The following LRRIQ3 variants were observed in gnomAD, a reference collection of about 807,000 sequenced individuals.
LRRIQ3 encodes the protein leucine rich repeats and IQ motif containing 3, also known as leucine-rich repeat and IQ domain-containing protein 3.
LRRIQ3 carries 75 observed loss-of-function variants against 59.3 expected under a neutral mutation model. That is an observed-to-expected ratio of 1.26 (90% CI 1.05 to 1.53). LRRIQ3 has a LOEUF of 1.53. Ranked by LOEUF, LRRIQ3 falls within the 40% of genes most tolerant of loss-of-function variation. The pLI is 0.00. For synonymous variants in LRRIQ3, 250 were observed against 231.3 expected (o/e 1.08, Z -0.73); for missense variants, 831 against 710.0 (o/e 1.17, Z -1.94).
intron 3 of LRRIQ3, among the ~76,000 whole-genome samples, chr1:74,156,640 C>T (rs1648345644): frequency 6.6e-6 from 1 of 151,942 alleles, no homozygotes; most frequent in South Asian, 2.1e-4. Flanking sequence ...CTGTCAGCCC[C>T]CATAAATAAA....
chr1:74,065,622 G>A (rs1277766162), intron 6 of LRRIQ3, among the ~76,000 whole-genome samples: 3 of 152,054 alleles, frequency 2.0e-5, no homozygotes, highest in Non-Finnish European at 4.4e-5. Context: ...CGTTTAATCT[G>A]TGTTTGAATA....
At chr1:74,137,122 C>A (rs1172744166) in intron 4 of LRRIQ3, among the ~76,000 whole-genome samples, 1 of 151,772 alleles carries the variant, frequency 6.6e-6, no homozygotes, top group Non-Finnish European at 1.5e-5. Flanking sequence ...ACCTAACAGA[C>A]AATATATCTA....
chr1:74,158,312 T>C (rs1648462435), intron 3 of LRRIQ3, among the ~76,000 whole-genome samples: 1 of 152,208 alleles, frequency 6.6e-6, no homozygotes, highest in Non-Finnish European at 1.5e-5. Flanking sequence ...TAGATTAATA[T>C]ATTTATTGGC....
intron 5 of LRRIQ3, among the ~76,000 whole-genome samples, chr1:74,098,641 C>A (rs1646484984): frequency 1.3e-5 from 2 of 152,052 alleles, no homozygotes; most frequent in South Asian, 2.1e-4. Flanking sequence ...CAAAATTGAC[C>A]ATATAGTTGC....
At chr1:74,140,110 C>T (rs1647206299) in intron 4 of LRRIQ3, among the ~76,000 whole-genome samples, 1 of 151,358 alleles carries the variant, frequency 6.6e-6, no homozygotes, top group Non-Finnish European at 1.5e-5. Context: ...TGTAAATAGT[C>T]CAAATATGAT....
intron 5 of LRRIQ3, among the ~76,000 whole-genome samples, chr1:74,090,326 G>T (rs985671508): frequency 1.3e-5 from 2 of 149,988 alleles, no homozygotes; most frequent in Non-Finnish European, 3.0e-5. Context: ...CTACAAAATA[G>T]TTTTTTTTTT....
intron 7 of LRRIQ3, among the ~76,000 whole-genome samples, chr1:74,033,401 G>T (rs766373636): frequency 8.6e-5 from 13 of 151,978 alleles, no homozygotes; most frequent in Non-Finnish European, 1.6e-4. Flanking sequence ...TATAAAGGAG[G>T]TTATTTGATG....
rs563132101 is a variant in LRRIQ3, at chr1:74,162,549, CAT to C, written c.574-6685_574-6684del. ...ATTAAGGACTTTTATAATTATGACT[CAT>C]ATGGATGACAGTGTTTTGCATGTCA... is the stretch of plus-strand genomic sequence containing the variant. On this transcript the variant is annotated intron_variant, in intron 3 of 7. Coordinates refer to ENST00000354431, the MANE Select transcript of LRRIQ3 (RefSeq NM_001105659.2). Among the ~76,000 whole-genome samples, 7 of 151,810 alleles carry C rather than the reference CAT, an allele frequency of 4.6e-5. No individual in the cohort carries two copies. In the South Asian group the frequency reaches 1.2e-3, roughly 27 times the overall value.
intron 4 of LRRIQ3, among the ~76,000 whole-genome samples, chr1:74,141,984 C>T (rs12123062): frequency 0.54 from 60,297 of 111,770 alleles, 13,221 homozygotes; most frequent in East Asian, 0.78. Context: ...TCCATTTATA[C>T]ACACACACAC....
chr1:74,081,426 T>C (rs1646272210), intron 5 of LRRIQ3, among the ~76,000 whole-genome samples: 2 of 151,700 alleles, frequency 1.3e-5, no homozygotes, highest in African/African-American at 4.8e-5. Flanking sequence ...TGTAAATTAA[T>C]GATGCCTACT....
chr1:74,113,794 T>C (rs1397842383), intron 4 of LRRIQ3, among the ~76,000 whole-genome samples: 1 of 152,056 alleles, frequency 6.6e-6, no homozygotes, highest in Non-Finnish European at 1.5e-5. Context: ...AAGTTCTCTT[T>C]AGGCTGAAGT....
chr1:74,187,327 T>G (rs1221308751), intron 1 of LRRIQ3, among the ~76,000 whole-genome samples: 2 of 147,626 alleles, frequency 1.4e-5, no homozygotes, highest in African/African-American at 5.0e-5. Flanking sequence ...GAGAGATATA[T>G]AGATATATAT....
intron 4 of LRRIQ3, among the ~76,000 whole-genome samples, chr1:74,139,337 G>A (rs2100633013): frequency 6.6e-6 from 1 of 151,614 alleles, no homozygotes; most frequent in Admixed American, 6.6e-5. Flanking sequence ...AAGCTAGGAA[G>A]GGAAGTAGTG....
intron 3 of LRRIQ3, among the ~76,000 whole-genome samples, chr1:74,166,594 C>G (rs1318652918): frequency 6.6e-6 from 1 of 151,630 alleles, no homozygotes; most frequent in Non-Finnish European, 1.5e-5. Flanking sequence ...GTTAATTTTG[C>G]TCTTCTTTTT....
intron 6 of LRRIQ3, among the ~76,000 whole-genome samples, chr1:74,053,487 G>A (rs1011091619): frequency 1.3e-5 from 2 of 152,024 alleles, no homozygotes; most frequent in Non-Finnish European, 2.9e-5. Context: ...AGTTGATAAA[G>A]AACGTTATTA....
intron 5 of LRRIQ3, among the ~76,000 whole-genome samples, chr1:74,075,566 C>T (rs914204309): frequency 4.9e-5 from 7 of 143,644 alleles, no homozygotes; most frequent in African/African-American, 1.8e-4. Context: ...GACTCCGTCT[C>T]AGAAAAAAAA....
At chr1:74,124,336 C>A (rs1243490088) in intron 4 of LRRIQ3, among the ~76,000 whole-genome samples, 1 of 151,738 alleles carries the variant, frequency 6.6e-6, no homozygotes, top group African/African-American at 2.4e-5. Context: ...TTTATTGTTT[C>A]CTTTGCTGTG....
At position 74,183,674 on chromosome 1, in the gene LRRIQ3, C is replaced by A. The variant is rs892269582; in HGVS notation, c.11G>T (p.Gly4Val). 9.6e-6 allele frequency: 15 copies of A among 1,555,708 alleles called. No individual in the cohort carries two copies. Among genetic ancestry groups the A allele is most frequent in the Non-Finnish European group, 1.3e-5 (15 of 1,152,846 alleles). ...ACTGGTTAGCTCTTCTGTGACTGTT[C>A]CATGAAACATCTAGGAAAGATAAGA... MFHGTVTEELTSHE... is the reference protein window; with the variant it reads MFHVTVTEELTSHE... Residue 4 changes from glycine (G) to valine (V), a missense_variant, in exon 2 of 8, where the codon GGA becomes GTA. Gly to Val is a moderately radical substitution (Grantham distance 109). Coordinates refer to ENST00000354431, the MANE Select transcript of LRRIQ3 (RefSeq NM_001105659.2).
intron 4 of LRRIQ3, among the ~76,000 whole-genome samples, chr1:74,111,043 A>G: frequency 6.6e-6 from 1 of 152,192 alleles, no homozygotes; most frequent in East Asian, 1.9e-4. Context: ...TCACTTTCCA[A>G]TATAACAACA....
Sources: allele counts gnomAD v4.1 joint callset (sites outside exome capture counted in the v4.1 genomes callset), GRCh38; gene constraint gnomAD v4.1.1; transcripts MANE v1.5; gene names NCBI Gene and HGNC (gene_info 2026-07-23, HGNC 2026-07-21).